CORIN: variants seen among roughly 807,000 people sequenced by gnomAD.
The protein encoded by CORIN is corin, serine peptidase.
CORIN carries 117 observed loss-of-function variants against 125.3 expected under a neutral mutation model. The ratio of observed to expected loss-of-function variants is 0.93; its 90% CI spans 0.80 to 1.09. CORIN has a LOEUF of 1.09. Ranked by LOEUF, CORIN falls within the 50% of genes least tolerant of loss-of-function variation. The pLI, the probability that CORIN is intolerant of heterozygous loss-of-function variation, is 0.00. For synonymous variants in CORIN, 450 were observed against 466.4 expected (o/e 0.96, Z 0.45); for missense variants, 1,253 against 1,306.7 (o/e 0.96, Z 0.63).
chr4:47,665,264 C>T lies in CORIN; in HGVS notation c.1358-1G>A. On this transcript the variant is annotated splice_acceptor_variant, in intron 10 of 21. Transcript: ENST00000273857. LOFTEE classifies it high-confidence loss of function. ...TCCAATGTAATTGGTTCACATTGAC[C>T]TAACAAAGAAACATACACACAAATA... The T allele has an allele frequency of 6.3e-7, 1 of 1,597,130 alleles. No individual in the cohort carries two copies. Among genetic ancestry groups the T allele is most frequent in the Non-Finnish European group, 8.6e-7 (1 of 1,166,870 alleles).
At position 47,777,006 on chromosome 4, in the gene CORIN, C is replaced by T. The variant is rs532779856; in HGVS notation, c.409+9719G>A. 2.0e-5 allele frequency among the ~76,000 whole-genome samples: 3 copies of T among 152,158 alleles called. No homozygotes were observed. The South Asian group carries it at 6.2e-4, about 32-fold the overall frequency. On this transcript the variant is annotated intron_variant, in intron 3 of 21. Transcript: ENST00000273857. ...TTAGAAAAATAAAAAGAATTGAAAT[C>T]GATCATGTTTGTTTCTGAGCCTGTC... is the stretch of plus-strand genomic sequence containing the variant.
At chr4:47,710,100 C>G (rs940975461) in intron 5 of CORIN, among the ~76,000 whole-genome samples, 29 of 152,154 alleles carry the variant, frequency 1.9e-4, no homozygotes, top group African/African-American at 6.8e-4. Flanking sequence ...CTGACATTTG[C>G]TGAAAATTGT....
chr4:47,797,168 A>G (rs1731328708), intron 2 of CORIN, among the ~76,000 whole-genome samples: 1 of 150,644 alleles, frequency 6.6e-6, no homozygotes, highest in Non-Finnish European at 1.5e-5. Flanking sequence ...ACATATCAAA[A>G]TAATTTTACT....
chr4:47,734,392 C>G (rs544575269), intron 5 of CORIN, among the ~76,000 whole-genome samples: 1 of 152,250 alleles, frequency 6.6e-6, no homozygotes, highest in Admixed American at 6.5e-5. Flanking sequence ...TCCACAGTGC[C>G]GAATATCTTC....
chr4:47,600,154 T>A, intron 21 of CORIN, 60 bp downstream of exon 21: 10 of 1,495,296 alleles, frequency 6.7e-6, no homozygotes, highest in Non-Finnish European at 9.1e-6. Context: ...AATGAGTTTA[T>A]AGGAATCCAC....
intron 1 of CORIN, among the ~76,000 whole-genome samples, chr4:47,834,982 G>A (rs1733310328): frequency 2.0e-5 from 3 of 152,172 alleles, no homozygotes; most frequent in Admixed American, 2.0e-4. Flanking sequence ...AAGGGGCAGA[G>A]TCAGAGGTCT....
intron 1 of CORIN, among the ~76,000 whole-genome samples, chr4:47,807,846 G>A (rs1377491448): frequency 1.3e-5 from 2 of 152,140 alleles, no homozygotes; most frequent in East Asian, 3.8e-4. Context: ...ATCTGAGATG[G>A]TACTAAAAGG....
intron 14 of CORIN, 69 bp downstream of exon 14, chr4:47,645,012 A>G (rs1221786908): frequency 2.4e-6 from 2 of 839,072 alleles, no homozygotes; most frequent in Admixed American, 4.3e-5. Flanking sequence ...TTTAGCTTGT[A>G]TTCAAAATGA....
chr4:47,747,290 TC>T (rs1242344165), intron 4 of CORIN, among the ~76,000 whole-genome samples: 5 of 152,060 alleles, frequency 3.3e-5, no homozygotes, highest in Non-Finnish European at 7.4e-5. Flanking sequence ...CACTTAACCC[TC>T]CCAGAGATTT....
chr4:47,733,710 T>C (rs1018405425), intron 5 of CORIN, among the ~76,000 whole-genome samples: 6 of 152,230 alleles, frequency 3.9e-5, no homozygotes, highest in African/African-American at 1.2e-4. Flanking sequence ...ATCTCAACTA[T>C]GGAAACACAC....
chr4:47,812,258 G>A (rs1194017314), intron 1 of CORIN, among the ~76,000 whole-genome samples: 1 of 152,116 alleles, frequency 6.6e-6, no homozygotes, highest in Non-Finnish European at 1.5e-5. Flanking sequence ...AGCACTTTGG[G>A]AGGCTGAGGC....
At chr4:47,600,402 A>G in intron 20 of CORIN, 55 bp from the exon 21 acceptor site, 1 of 1,199,410 alleles carries the variant, frequency 8.3e-7, no homozygotes, top group Non-Finnish European at 1.2e-6. Flanking sequence ...CTCAAAAGTG[A>G]GGCTAGTGAG....
intron 3 of CORIN, among the ~76,000 whole-genome samples, chr4:47,766,085 A>G (rs1349093704): frequency 1.3e-5 from 2 of 152,214 alleles, no homozygotes; most frequent in Non-Finnish European, 2.9e-5. Context: ...TCAAAATCGA[A>G]TCTGGAGTAA....
Position 47,643,560 on chromosome 4 carries a change from G to T in CORIN, c.1958-304C>A, listed in dbSNP as rs1263371201. 2.6e-5 allele frequency among the ~76,000 whole-genome samples: 4 copies of T among 152,114 alleles called. No individual in the cohort carries two copies. In the East Asian group the frequency reaches 7.7e-4, roughly 29 times the overall value. ...CAGAAATACCAAAGATCAGAGAACG[G>T]GGTTAAAATCTGCATGAGCAGAGCA... On this transcript the variant is annotated intron_variant, in intron 14 of 21. Coordinates refer to ENST00000273857, the MANE Select transcript of CORIN (RefSeq NM_006587.4).
intron 9 of CORIN, among the ~76,000 whole-genome samples, chr4:47,675,089 T>C (rs1724954532): frequency 6.6e-6 from 1 of 152,212 alleles, no homozygotes; most frequent in South Asian, 2.1e-4. Flanking sequence ...GGGTTTCTTG[T>C]TTCTAAGTGA....
chr4:47,669,834 G>C (rs1724662412), intron 10 of CORIN, among the ~76,000 whole-genome samples: 1 of 152,144 alleles, frequency 6.6e-6, no homozygotes, highest in South Asian at 2.1e-4. Context: ...CTCCCAAAGT[G>C]CTGGGATTAC....
intron 12 of CORIN, 42 bp from the exon 13 acceptor site, chr4:47,653,702 A>C (rs1299573339): frequency 6.7e-7 from 1 of 1,494,848 alleles, no homozygotes; most frequent in Non-Finnish European, 9.3e-7. Context: ...GAAAACCCAG[A>C]AACATCAGCT....
chr4:47,609,969 G>C (rs1721809170), intron 19 of CORIN, among the ~76,000 whole-genome samples: 1 of 152,196 alleles, frequency 6.6e-6, no homozygotes, highest in South Asian at 2.1e-4. Flanking sequence ...ATTCCATGGT[G>C]TATATGTACC....
intron 2 of CORIN, among the ~76,000 whole-genome samples, chr4:47,803,987 G>A (rs1560556645): frequency 2.0e-5 from 3 of 152,162 alleles, no homozygotes; most frequent in Admixed American, 6.6e-5. Context: ...GAATTTATAA[G>A]GAGCTCAAAC....
Sources: gnomAD v4.1 joint callset for allele counts (sites outside exome capture counted in the v4.1 genomes callset) on GRCh38, gnomAD v4.1.1 for gene constraint, MANE v1.5 for transcripts, NCBI Gene and HGNC (gene_info 2026-07-23, HGNC 2026-07-21) for gene names.